Variants in LIFR observed in about 807,000 individuals in gnomAD.
LIFR encodes the protein leukemia inhibitory factor receptor.
Under a neutral mutation model 122.2 loss-of-function variants are expected in LIFR, and 84 were observed. The ratio of observed to expected loss-of-function variants is 0.69; its 90% CI spans 0.58 to 0.82. The LOEUF (loss-of-function observed/expected upper bound fraction) is 0.82. Among genes scored for constraint, LIFR ranks in the 40% least tolerant of loss-of-function variants. LIFR has a pLI of 0.00. For missense variants in LIFR, 1,294 were observed against 1,311.6 expected (o/e 0.99, Z 0.21); for synonymous variants, 422 against 434.7 (o/e 0.97, Z 0.36).
chr5:38,536,388 T>C lies in LIFR; in HGVS notation c.-19-5722A>G, dbSNP rs1045082874. On this transcript the variant is annotated intron_variant, in intron 1 of 19. Transcript: ENST00000453190. The stretch of plus-strand genomic sequence containing the variant: ...AAGTACCGTTTAACAACTGCTTACA[T>C]AGCATTAACACTGTATTAGGGATGA... 2.0e-5 allele frequency among the ~76,000 whole-genome samples: 3 copies of C among 152,084 alleles called. No individual in the cohort carries two copies. The South Asian group carries it at 6.2e-4, about 32-fold the overall frequency.
At chr5:38,499,405 C>T in intron 12 of LIFR, 108 bp downstream of exon 12, 2 of 787,396 alleles carry the variant, frequency 2.5e-6, no homozygotes, top group East Asian at 5.0e-5. Context: ...AATATTGCAA[C>T]AAAAGCCAGT....
intron 17 of LIFR, 61 bp downstream of exon 17, chr5:38,485,758 G>C: frequency 6.3e-7 from 1 of 1,583,640 alleles, no homozygotes; most frequent in Admixed American, 1.7e-5. Flanking sequence ...CATAAACCAA[G>C]AATCACTAGA....
Position 38,482,214 on chromosome 5 carries a change from CT to C in LIFR, c.2674del (p.Ser892AlafsTer9). The C allele has an allele frequency of 6.2e-7, 1 of 1,604,430 alleles. No individual in the cohort carries two copies. Among genetic ancestry groups the C allele is most frequent in the Non-Finnish European group, 8.5e-7 (1 of 1,177,584 alleles). The part of the protein sequence containing the change: ...LQFQKSVCEG[S>X]SALKTLEMNP... ...CATTTCCAATGTTTTAAGAGCACTG[CT>C]TCCCTAGAAATAAATTTAAACACAG... On this transcript the variant is annotated frameshift_variant, in exon 20 of 20. Transcript: ENST00000453190. LOFTEE classifies it low-confidence loss of function (END_TRUNC).
chr5:38,516,810 AC>A (rs1311833150), intron 5 of LIFR, among the ~76,000 whole-genome samples: 2 of 152,150 alleles, frequency 1.3e-5, no homozygotes, highest in African/African-American at 4.8e-5. Flanking sequence ...ACCCACCCAA[AC>A]ACCCATCAAT....
At chr5:38,532,488 T>A (rs762728355) in intron 1 of LIFR, among the ~76,000 whole-genome samples, 7 of 152,138 alleles carry the variant, frequency 4.6e-5, no homozygotes, top group Non-Finnish European at 1.0e-4. Context: ...AGTAGCGAGC[T>A]CGCACAAAGC....
chr5:38,606,067 ATCAC>A (rs1750322212), intron 2 of LIFR: 1 of 152,208 alleles, frequency 6.6e-6, no homozygotes, highest in African/African-American at 2.4e-5. Flanking sequence ...TGTTTGTGAA[ATCAC>A]TCAATCAATG....
intron 14 of LIFR, among the ~76,000 whole-genome samples, chr5:38,492,594 G>A: frequency 6.6e-6 from 1 of 152,196 alleles, no homozygotes; most frequent in Non-Finnish European, 1.5e-5. Context: ...TACATGTGGA[G>A]GAGTTTGGCT....
intron 1 of LIFR, among the ~76,000 whole-genome samples, chr5:38,543,887 G>A (rs1747726469): frequency 6.6e-6 from 1 of 152,058 alleles, no homozygotes; most frequent in Non-Finnish European, 1.5e-5. Flanking sequence ...TCACCTGGAA[G>A]TCTCATAGGT....
chr5:38,603,777 A>C (rs1288139181), intron 2 of LIFR, among the ~76,000 whole-genome samples: 2 of 152,168 alleles, frequency 1.3e-5, no homozygotes, highest in African/African-American at 4.8e-5. Context: ...GAATGTAACT[A>C]TCCAAGGGTT....
chr5:38,542,114 G>A (rs1321929193), intron 1 of LIFR, among the ~76,000 whole-genome samples: 1 of 152,062 alleles, frequency 6.6e-6, no homozygotes, highest in South Asian at 2.1e-4. Context: ...TATGATTGTT[G>A]GTTTTATTAC....
chr5:38,544,046 C>G (rs938893421), intron 1 of LIFR, among the ~76,000 whole-genome samples: 1 of 152,076 alleles, frequency 6.6e-6, no homozygotes. Flanking sequence ...CCCTATCGGC[C>G]TCTACCCACT....
chr5:38,569,755 A>G (rs17427485), intron 1 of LIFR, among the ~76,000 whole-genome samples: 69,904 of 151,976 alleles, frequency 0.46, 16,457 homozygotes, highest in Middle Eastern at 0.54. Context: ...TGAATCTGAA[A>G]TGTTGTCTTT....
At chr5:38,552,847 T>C (rs1399689324) in intron 1 of LIFR, among the ~76,000 whole-genome samples, 1 of 152,234 alleles carries the variant, frequency 6.6e-6, no homozygotes. Flanking sequence ...GGTAAGATTA[T>C]TTCGTAAATT....
rs1747130832 is a variant in LIFR, at chr5:38,533,537, C to G, written c.-19-2871G>C. Among the ~76,000 whole-genome samples, 4 of 152,146 alleles carry G rather than the reference C, an allele frequency of 2.6e-5. No homozygotes were observed. The South Asian group carries it at 8.3e-4, about 32-fold the overall frequency. On this transcript the variant is annotated intron_variant, in intron 1 of 19. Coordinates refer to ENST00000453190, the MANE Select transcript of LIFR (RefSeq NM_001127671.2). ...TGTATTTTTCTCAACCTTGAGAATT[C>G]TGGTTCCAGTGTACATGAGGTTTAG... is the stretch of plus-strand genomic sequence containing the variant.
rs777885799 is a variant in LIFR at position 38,481,382 on chromosome 5, G to C, written c.*213C>G. On this transcript the variant is annotated 3_prime_UTR_variant, in exon 20 of 20. Transcript: ENST00000453190. ...TTGATCACAAAGAGCTCCCAATCTT[G>C]AGTTTTGTGGATTGAGGATTCTGAG... 5.0e-6 allele frequency: 3 copies of C among 597,420 alleles called. No homozygotes were observed. The highest frequency in any genetic ancestry group is 2.8e-5 in the East Asian group (1 of 35,286). The allele number at this position is 597,420 out of a possible 1,614,324, so 37.0% of individuals were successfully genotyped here.
At chr5:38,543,123 A>G (rs1322237061) in intron 1 of LIFR, among the ~76,000 whole-genome samples, 1 of 152,138 alleles carries the variant, frequency 6.6e-6, no homozygotes, top group African/African-American at 2.4e-5. Context: ...ATAGGCAATA[A>G]ACATGAAAAT....
At chr5:38,602,570 A>G (rs1214737644) in intron 2 of LIFR, among the ~76,000 whole-genome samples, 1 of 152,046 alleles carries the variant, frequency 6.6e-6, no homozygotes, top group Non-Finnish European at 1.5e-5. Flanking sequence ...AGCGGGCTAA[A>G]TTCTAATTCC....
chr5:38,497,724 T>G (rs1744959081), intron 12 of LIFR, among the ~76,000 whole-genome samples: 1 of 152,200 alleles, frequency 6.6e-6, no homozygotes, highest in Non-Finnish European at 1.5e-5. Context: ...TTTACTAACA[T>G]TGTTTTAATC....
At chr5:38,506,097 T>C (rs1745462951) in intron 8 of LIFR, 23 bp from the exon 9 acceptor site, 1 of 1,502,060 alleles carries the variant, frequency 6.7e-7, no homozygotes, top group African/African-American at 1.4e-5. Context: ...AGAAAAATAA[T>C]TTCAAAATGG....
Sources: allele counts gnomAD v4.1 joint callset (sites outside exome capture counted in the v4.1 genomes callset), GRCh38; gene constraint gnomAD v4.1.1; transcripts MANE v1.5; gene names NCBI Gene and HGNC (gene_info 2026-07-23, HGNC 2026-07-21).